The following RORB variants were observed in gnomAD, a reference collection of about 807,000 sequenced individuals.
RORB encodes nuclear receptor ROR-beta.
A neutral mutation model predicts 59.1 loss-of-function variants in RORB; 6 were observed. That is an observed-to-expected ratio of 0.10 (90% CI 0.06 to 0.20). The LOEUF is 0.20. RORB is among the 10% of genes least tolerant of loss of function. RORB has a pLI of 1.00. For missense variants in RORB, 320 were observed against 560.5 expected, an observed-to-expected ratio of 0.57 and a Z score of 4.33; for synonymous variants, 215 against 204.5, an observed-to-expected ratio of 1.05 and a Z score of -0.44.
intron 1 of RORB, among the ~76,000 whole-genome samples, chr9:74,592,877 G>A (rs557578760): frequency 5.9e-5 from 9 of 151,560 alleles, no homozygotes; most frequent in East Asian, 1.9e-4. Flanking sequence ...ACATGCACAC[G>A]CACACACACG....
intron 2 of RORB, 122 bp downstream of exon 2, chr9:74,630,489 TC>T (rs1823597927): frequency 3.7e-6 from 2 of 533,340 alleles, no homozygotes; most frequent in South Asian, 3.4e-5. Flanking sequence ...CTGCTGACAT[TC>T]AGGAATTCTT....
Position 74,508,007 on chromosome 9 carries a change from A to G in RORB, c.7+10024A>G, listed in dbSNP as rs1473430932. 2.0e-5 allele frequency among the ~76,000 whole-genome samples: 3 copies of G among 151,934 alleles called. No homozygotes were observed. The East Asian group carries it at 5.8e-4, about 29-fold the overall frequency. ...AAATATTTTAAATAAATTATTTAGA[A>G]TTTTTTCAGATCTCAACTTATTGAT... is the stretch of plus-strand genomic sequence containing the variant. On this transcript the variant is annotated intron_variant, in intron 1 of 9. Transcript: ENST00000376896.
intron 1 of RORB, among the ~76,000 whole-genome samples, chr9:74,539,630 C>G (rs1384184574): frequency 6.6e-6 from 1 of 151,918 alleles, no homozygotes; most frequent in East Asian, 1.9e-4. Context: ...TGAAGAAGAT[C>G]ATGAACACAG....
intron 1 of RORB, among the ~76,000 whole-genome samples, chr9:74,589,441 C>T (rs1587372793): frequency 6.6e-6 from 1 of 152,102 alleles, no homozygotes; most frequent in African/African-American, 2.4e-5. Flanking sequence ...GAGCCCAGAC[C>T]AGAACTGGAT....
At chr9:74,573,344 T>C (rs1822580927) in intron 1 of RORB, among the ~76,000 whole-genome samples, 1 of 151,936 alleles carries the variant, frequency 6.6e-6, no homozygotes, top group Non-Finnish European at 1.5e-5. Flanking sequence ...TCCCATTCAA[T>C]TTTGGCTCCA....
chr9:74,622,943 A>G (rs1823448648), intron 1 of RORB, among the ~76,000 whole-genome samples: 1 of 152,186 alleles, frequency 6.6e-6, no homozygotes, highest in African/African-American at 2.4e-5. Context: ...GTCTCAGGAC[A>G]GCACACAACA....
chr9:74,603,847 A>C (rs935971960), intron 1 of RORB, among the ~76,000 whole-genome samples: 1 of 152,178 alleles, frequency 6.6e-6, no homozygotes, highest in Non-Finnish European at 1.5e-5. Context: ...TCCACTAGAA[A>C]GTGATAATGG....
chr9:74,551,112 G>T lies in RORB; in HGVS notation c.7+53129G>T, dbSNP rs141355733. On this transcript the variant is annotated intron_variant, in intron 1 of 9. Coordinates refer to ENST00000376896, the MANE Select transcript of RORB (RefSeq NM_006914.4). ...GTGCCGATCTAGAGATAATGTATGCGCACTGACACAAATTAAATTTGTTGT... is the reference window on the plus strand; with the variant it reads ...GTGCCGATCTAGAGATAATGTATGCTCACTGACACAAATTAAATTTGTTGT... 1.8e-3 allele frequency among the ~76,000 whole-genome samples: 270 copies of T among 151,932 alleles called. 3 individuals carry two copies. The highest frequency in any genetic ancestry group is 0.01 in the Middle Eastern group (3 of 294).
intron 9 of RORB, among the ~76,000 whole-genome samples, chr9:74,673,079 T>C (rs1469958861): frequency 1.3e-5 from 2 of 152,210 alleles, no homozygotes; most frequent in African/African-American, 4.8e-5. Flanking sequence ...TATAGAGCAA[T>C]AGTTCTCTTT....
chr9:74,625,067 T>G (rs555560322), intron 1 of RORB, among the ~76,000 whole-genome samples: 1 of 152,126 alleles, frequency 6.6e-6, no homozygotes, highest in East Asian at 1.9e-4. Context: ...ACAAAGATGC[T>G]ACAAGTATAG....
intron 1 of RORB, among the ~76,000 whole-genome samples, chr9:74,503,499 A>G (rs937355446): frequency 2.6e-5 from 4 of 152,094 alleles, no homozygotes; most frequent in Non-Finnish European, 4.4e-5. Flanking sequence ...AACTTTCCAG[A>G]GCATTCAAAG....
chr9:74,517,998 A>C (rs1826032420), intron 1 of RORB, among the ~76,000 whole-genome samples: 1 of 152,038 alleles, frequency 6.6e-6, no homozygotes, highest in Non-Finnish European at 1.5e-5. Context: ...TCATTTGTCC[A>C]AAGTTACCCA....
intron 1 of RORB, among the ~76,000 whole-genome samples, chr9:74,570,262 T>C (rs1822531395): frequency 6.6e-6 from 1 of 152,124 alleles, no homozygotes; most frequent in South Asian, 2.1e-4. Flanking sequence ...ATAAATTAAT[T>C]GAATTCTGCA....
chr9:74,547,368 G>A (rs1826515562), intron 1 of RORB, among the ~76,000 whole-genome samples: 2 of 151,974 alleles, frequency 1.3e-5, no homozygotes, highest in South Asian at 4.2e-4. Flanking sequence ...AGAGAAGAGG[G>A]AAAATAGGTG....
In RORB at chr9:74,565,999, C is replaced by T. The variant is rs546316875; in HGVS notation, c.8-64283C>T. On this transcript the variant is annotated intron_variant, in intron 1 of 9. Transcript: ENST00000376896. ...TTGTGTAAAAATACTTCATACATTT[C>T]AGTATTGCTCTCAGGCACTGATGAA... 1.4e-4 allele frequency among the ~76,000 whole-genome samples: 22 copies of T among 152,256 alleles called. No homozygotes were observed. The South Asian group carries it at 4.6e-3, about 32-fold the overall frequency.
chr9:74,537,686 CAT>C (rs1234462915), intron 1 of RORB, among the ~76,000 whole-genome samples: 1 of 151,910 alleles, frequency 6.6e-6, no homozygotes, highest in Non-Finnish European at 1.5e-5. Flanking sequence ...GCAGTACAGA[CAT>C]AGAAATAATA....
At chr9:74,520,736 G>A (rs1474911618) in intron 1 of RORB, among the ~76,000 whole-genome samples, 1 of 151,664 alleles carries the variant, frequency 6.6e-6, no homozygotes, top group East Asian at 1.9e-4. Context: ...TTCTGGGCCT[G>A]GCTTTTTTTT....
chr9:74,627,159 T>C, intron 1 of RORB, among the ~76,000 whole-genome samples: 1 of 48,502 alleles, frequency 2.1e-5, no homozygotes, highest in South Asian at 8.4e-4. Context: ...AGACTCCATC[T>C]CAAAAAAAAA....
chr9:74,607,576 T>C (rs1044804150), intron 1 of RORB, among the ~76,000 whole-genome samples: 5 of 149,360 alleles, frequency 3.3e-5, no homozygotes, highest in East Asian at 1.9e-4. Context: ...TATAGACACA[T>C]GTTTATACTA....
Sources: allele counts gnomAD v4.1 joint callset (sites outside exome capture counted in the v4.1 genomes callset), GRCh38; gene constraint gnomAD v4.1.1; transcripts MANE v1.5; gene names NCBI Gene and HGNC (gene_info 2026-07-23, HGNC 2026-07-21).